Variants in NAMPT observed in about 807,000 individuals in gnomAD.
NAMPT encodes NAmPRTase.
Under a neutral mutation model 58.7 loss-of-function variants are expected in NAMPT, and 7 were observed. That is an observed-to-expected ratio of 0.12 (90% CI 0.07 to 0.22). The LOEUF is 0.22. NAMPT is among the 10% of genes least tolerant of loss of function. NAMPT has a pLI of 1.00. For synonymous variants in NAMPT, 145 were observed against 198.1 expected, an observed-to-expected ratio of 0.73 and a Z score of 2.25; for missense variants, 271 against 567.9, an observed-to-expected ratio of 0.48 and a Z score of 5.31.
chr7:106,258,351 C>G (rs560766392), intron 8 of NAMPT, among the ~76,000 whole-genome samples: 10 of 152,348 alleles, frequency 6.6e-5, no homozygotes, highest in African/African-American at 2.4e-4. Flanking sequence ...ACTGACCTTA[C>G]TCTATCTCCA....
chr7:106,270,833 A>C lies in NAMPT; in HGVS notation c.448-1521T>G, dbSNP rs183360530. Among the ~76,000 whole-genome samples, 14 of 152,374 alleles carry C rather than the reference A, an allele frequency of 9.2e-5. No individual in the cohort carries two copies. The East Asian group carries it at 2.5e-3, about 27-fold the overall frequency. On this transcript the variant is annotated intron_variant, in intron 4 of 10. Coordinates refer to ENST00000222553, the MANE Select transcript of NAMPT (RefSeq NM_005746.3). ...ATGCCTAAGTCTAAGCAAGAGCAGCAGACGACCATCCAGTCAACCACAGAA... is the reference window on the plus strand; with the variant it reads ...ATGCCTAAGTCTAAGCAAGAGCAGCCGACGACCATCCAGTCAACCACAGAA...
chr7:106,255,011 T>C (rs1792173667), intron 8 of NAMPT, among the ~76,000 whole-genome samples: 1 of 152,194 alleles, frequency 6.6e-6, no homozygotes, highest in African/African-American at 2.4e-5. Context: ...TATAAAATAC[T>C]TCTCCTATAT....
In NAMPT at chr7:106,266,632, T is replaced by C. The variant is rs1321455080; in HGVS notation, c.743+1832A>G. Among the ~76,000 whole-genome samples, 6 of 152,320 alleles carry C rather than the reference T, an allele frequency of 3.9e-5. No homozygotes were observed. In the South Asian group the frequency reaches 6.2e-4, roughly 16 times the overall value. ...TTGAGCAATTTTATCTCCCAAGCCA[T>C]TGCTCATGTTTACCTATTTCTTTCC... On this transcript the variant is annotated intron_variant, in intron 6 of 10. Transcript: ENST00000222553.
chr7:106,249,174 C>T lies in NAMPT; in HGVS notation c.*1909G>A, dbSNP rs1173205010. On this transcript the variant is annotated 3_prime_UTR_variant, in exon 11 of 11. Transcript: ENST00000222553. ...AATACTACTCATCTTTACTCAAATA[C>T]ATTAAAAAATCATTTTAAAATTATT... 1 of 152,406 alleles carries T rather than the reference C, an allele frequency of 6.6e-6. No individual in the cohort carries two copies. Among genetic ancestry groups the T allele is most frequent in the Non-Finnish European group, 1.5e-5 (1 of 67,952 alleles). The allele number at this position is 152,406 out of a possible 1,614,324, so 9.4% of individuals were successfully genotyped here. A position where few individuals can be genotyped will look rare whatever the true frequency, so the allele number is the denominator to read the frequency against.
intron 3 of NAMPT, among the ~76,000 whole-genome samples, chr7:106,273,888 T>C (rs1792583881): frequency 6.6e-6 from 1 of 152,044 alleles, no homozygotes; most frequent in African/African-American, 2.4e-5. Flanking sequence ...GCATGAAAGT[T>C]AAAGTATTTC....
upstream of NAMPT, chr7:106,285,427 C>T (rs1441843975): frequency 3.3e-6 from 2 of 612,970 alleles, no homozygotes; most frequent in Non-Finnish European, 2.0e-6. Flanking sequence ...TGGGACCTTC[C>T]GTCCTACCCA....
At chr7:106,267,866 A>AAAAAAAAAC (rs1792453509) in intron 6 of NAMPT, among the ~76,000 whole-genome samples, 1 of 133,566 alleles carries the variant, frequency 7.5e-6, no homozygotes, top group Non-Finnish European at 1.7e-5. Context: ...AAAAAAAAAA[A>AAAAAAAAAC]AAAAAAAAAA....
chr7:106,281,713 T>C (rs1358280771), intron 1 of NAMPT, among the ~76,000 whole-genome samples: 2 of 152,332 alleles, frequency 1.3e-5, no homozygotes, highest in South Asian at 2.1e-4. Flanking sequence ...TCACTGCTAT[T>C]TGGCTTTGAA....
rs888184191 is a variant in NAMPT, at chr7:106,254,595, C to T, written c.1090-91G>A. 52 of 1,372,872 alleles carry T rather than the reference C, an allele frequency of 3.8e-5. No homozygotes were observed. The Admixed American group carries it at 4.0e-4, about 11-fold the overall frequency. The allele number at this position is 1,372,872 out of a possible 1,614,324, so 85.0% of individuals were successfully genotyped here. A position where few individuals can be genotyped will look rare whatever the true frequency, so the allele number is the denominator to read the frequency against. Reference sequence around the variant, plus strand: ...CAAGGGACAATATTGATGAATGAAGCATCCAAGACTGTTTTATAACACGGT... The same window carrying T: ...CAAGGGACAATATTGATGAATGAAGTATCCAAGACTGTTTTATAACACGGT... On this transcript the variant is annotated intron_variant, in intron 8 of 10. Transcript: ENST00000222553.
At chr7:106,272,909 CACT>C (rs1240422123) in intron 3 of NAMPT, among the ~76,000 whole-genome samples, 1 of 152,158 alleles carries the variant, frequency 6.6e-6, no homozygotes, top group East Asian at 1.9e-4. Context: ...GAACATTTAT[CACT>C]ACAAGTGGCA....
rs191148435 is a variant in NAMPT, at chr7:106,265,665, T to C, written c.744-2048A>G. On this transcript the variant is annotated intron_variant, in intron 6 of 10. Transcript: ENST00000222553. ...CAGGCTCTGGATCTACTTTGTTAGATAGAAAGTTGAATATCTTCATCTCAG... is the reference window on the plus strand; with the variant it reads ...CAGGCTCTGGATCTACTTTGTTAGACAGAAAGTTGAATATCTTCATCTCAG... Among the ~76,000 whole-genome samples, 167 of 152,020 alleles carry C rather than the reference T, an allele frequency of 1.1e-3. 1 individual carries two copies. The highest frequency in any genetic ancestry group is 5.8e-4 in the East Asian group (3 of 5,162).
intron 1 of NAMPT, among the ~76,000 whole-genome samples, chr7:106,280,562 A>C (rs1258455948): frequency 2.0e-5 from 3 of 152,216 alleles, no homozygotes; most frequent in Non-Finnish European, 4.4e-5. Flanking sequence ...ATAAGATCCC[A>C]GCAAACCTTC....
At chr7:106,271,038 T>C (rs535548286) in intron 4 of NAMPT, among the ~76,000 whole-genome samples, 1 of 152,318 alleles carries the variant, frequency 6.6e-6, no homozygotes, top group Non-Finnish European at 1.5e-5. Flanking sequence ...CTCTCTTCTT[T>C]AGTCTAATTA....
upstream of NAMPT, chr7:106,285,167 G>T (rs1792848969): frequency 4.0e-6 from 5 of 1,242,540 alleles, no homozygotes; most frequent in Non-Finnish European, 5.1e-6. Flanking sequence ...CCCTCCGGGG[G>T]CCGAGAAAGG....
intron 3 of NAMPT, among the ~76,000 whole-genome samples, chr7:106,274,274 C>A (rs974948615): frequency 1.1e-4 from 16 of 151,868 alleles, no homozygotes; most frequent in African/African-American, 3.6e-4. Context: ...TGCCAAATAA[C>A]CATGCCCTTT....
At chr7:106,285,597 T>G (rs891937980), upstream of NAMPT, 31 of 985,750 alleles carry the variant, frequency 3.1e-5, no homozygotes, top group African/African-American at 5.2e-4. Flanking sequence ...CTCTTGTCCC[T>G]CCTGATCCTC....
chr7:106,258,046 T>G (rs1236435865), intron 8 of NAMPT, among the ~76,000 whole-genome samples: 2 of 152,242 alleles, frequency 1.3e-5, no homozygotes, highest in Non-Finnish European at 2.9e-5. Context: ...GATTGCTATG[T>G]GTAAGGTCCT....
rs1237287820 is a variant in NAMPT, at chr7:106,284,893, G to A, written c.-9C>T. 2.2e-5 allele frequency: 34 copies of A among 1,580,914 alleles called. No individual in the cohort carries two copies. The highest frequency in any genetic ancestry group is 2.9e-5 in the Non-Finnish European group (34 of 1,162,654). On this transcript the variant is annotated 5_prime_UTR_variant, in exon 1 of 11. Coordinates refer to ENST00000222553, the MANE Select transcript of NAMPT (RefSeq NM_005746.3). ...TCTGCCGCAGGATTCATCTCGGGCC[G>A]GAGGACAGGGGCCGCGCGCCGCGAG...
intron 1 of NAMPT, among the ~76,000 whole-genome samples, chr7:106,283,954 C>T (rs1174890684): frequency 6.6e-6 from 1 of 152,252 alleles, no homozygotes. Flanking sequence ...CCCTTCACTA[C>T]TGCGTGCTTC....
Sources: gnomAD v4.1 joint callset for allele counts (sites outside exome capture counted in the v4.1 genomes callset) on GRCh38, gnomAD v4.1.1 for gene constraint, MANE v1.5 for transcripts, NCBI Gene and HGNC (gene_info 2026-07-23, HGNC 2026-07-21) for gene names.